Variants in SPATA17 observed in about 807,000 individuals in gnomAD.
SPATA17 encodes the protein spermatogenesis-associated protein 17.
SPATA17 carries 53 observed loss-of-function variants against 62.2 expected under a neutral mutation model. That is an observed-to-expected ratio of 0.85 (90% CI 0.68 to 1.07). The LOEUF is 1.07. Among genes scored for constraint, SPATA17 ranks in the 50% least tolerant of loss-of-function variants. The pLI, the probability that SPATA17 is intolerant of heterozygous loss-of-function variation, is 0.00. For missense variants in SPATA17, 466 were observed against 425.5 expected (o/e 1.10, Z -0.84); for synonymous variants, 146 against 146.8 (o/e 0.99, Z 0.04).
chr1:217,817,146 T>C (rs1003301331), intron 9 of SPATA17, among the ~76,000 whole-genome samples: 1 of 152,090 alleles, frequency 6.6e-6, no homozygotes, highest in Non-Finnish European at 1.5e-5. Flanking sequence ...AACTGGAGGA[T>C]ATTTAATAAG....
chr1:217,696,464 C>T (rs139681571), intron 5 of SPATA17, among the ~76,000 whole-genome samples: 2,009 of 152,200 alleles, frequency 0.013, 48 homozygotes, highest in African/African-American at 0.045. Context: ...TGCGTCGCTC[C>T]GCTCACGCTG....
intron 6 of SPATA17, among the ~76,000 whole-genome samples, chr1:217,746,614 T>C (rs1167833381): frequency 6.6e-6 from 1 of 151,820 alleles, no homozygotes; most frequent in Non-Finnish European, 1.5e-5. Context: ...CATATACTCA[T>C]ATGCTGATTG....
At chr1:217,649,476 C>T (rs564057978) in intron 2 of SPATA17, among the ~76,000 whole-genome samples, 1 of 152,112 alleles carries the variant, frequency 6.6e-6, no homozygotes, top group East Asian at 1.9e-4. Context: ...GAGACTCTGC[C>T]TCAAAAAAAT....
At chr1:217,704,409 C>T (rs1308770505) in intron 5 of SPATA17, among the ~76,000 whole-genome samples, 1 of 150,554 alleles carries the variant, frequency 6.6e-6, no homozygotes, top group Non-Finnish European at 1.5e-5. Flanking sequence ...CGCCACCGCG[C>T]CCGGCTAATT....
chr1:217,739,810 C>CCA (rs1244223650), intron 5 of SPATA17, among the ~76,000 whole-genome samples: 3 of 152,060 alleles, frequency 2.0e-5, no homozygotes, highest in Non-Finnish European at 4.4e-5. Context: ...TTCAGTATAT[C>CCA]CACACACACT....
chr1:217,834,530 T>C (rs1675218186), intron 9 of SPATA17, among the ~76,000 whole-genome samples: 1 of 152,094 alleles, frequency 6.6e-6, no homozygotes, highest in Non-Finnish European at 1.5e-5. Context: ...ATTTATGTCT[T>C]ATTTTTTAAC....
chr1:217,858,503 A>G (rs1170557126), intron 9 of SPATA17, among the ~76,000 whole-genome samples: 1 of 152,236 alleles, frequency 6.6e-6, no homozygotes, highest in East Asian at 1.9e-4. Flanking sequence ...TTTCTAGAAC[A>G]AATTACAGAA....
chr1:217,657,158 A>G (rs1670463830), intron 3 of SPATA17, among the ~76,000 whole-genome samples: 2 of 152,154 alleles, frequency 1.3e-5, no homozygotes, highest in South Asian at 4.1e-4. Context: ...ACCAGAGCTG[A>G]TATCCTTAGC....
rs1676093824 is a variant in SPATA17, at chr1:217,869,805, C to A, written c.*2786C>A. 6.8e-6 allele frequency: 1 copy of A among 147,694 alleles called. No homozygotes were observed. The highest frequency in any genetic ancestry group is 2.5e-5 in the African/African-American group (1 of 40,632). The allele number at this position is 147,694 out of a possible 1,614,324, so 9.1% of individuals were successfully genotyped here. On this transcript the variant is annotated 3_prime_UTR_variant, in exon 11 of 11. Transcript: ENST00000366933. ...GGCCTGAACTAGTTTTTCAGGTTAA[C>A]TTTGGAATACCCTTGGCCAAGAAGA... is the stretch of plus-strand genomic sequence containing the variant.
At chr1:217,756,813 CTACT>C (rs1344655047) in intron 6 of SPATA17, among the ~76,000 whole-genome samples, 1 of 152,150 alleles carries the variant, frequency 6.6e-6, no homozygotes, top group Non-Finnish European at 1.5e-5. Context: ...TACTTGTCAT[CTACT>C]TAGTATTTTC....
At chr1:217,697,529 T>TTAAA (rs1671487135) in intron 5 of SPATA17, among the ~76,000 whole-genome samples, 1 of 152,190 alleles carries the variant, frequency 6.6e-6, no homozygotes, top group South Asian at 2.1e-4. Context: ...CTATTTCTAC[T>TTAAA]GTTTAAACTT....
intron 4 of SPATA17, among the ~76,000 whole-genome samples, chr1:217,669,830 G>T (rs1013432435): frequency 2.0e-5 from 3 of 152,128 alleles, no homozygotes; most frequent in Non-Finnish European, 4.4e-5. Flanking sequence ...TTCTGAAAGT[G>T]CTGGGGTGAA....
In SPATA17 at chr1:217,779,706, G is replaced by A. The variant is rs536249282; in HGVS notation, c.724-2468G>A. Among the ~76,000 whole-genome samples the A allele has an allele frequency of 2.7e-5, 4 of 150,642 alleles. No homozygotes were observed. In the South Asian group the frequency reaches 6.3e-4, roughly 24 times the overall value. On this transcript the variant is annotated intron_variant, in intron 7 of 10. Transcript: ENST00000366933. ...TTTGTTTTTTCTGAGCCATATTCCTGTGTGTTACCAATAATAAAAAAGTAT... is the reference window on the plus strand; with the variant it reads ...TTTGTTTTTTCTGAGCCATATTCCTATGTGTTACCAATAATAAAAAAGTAT...
chr1:217,648,297 A>G (rs1670234954), intron 1 of SPATA17, among the ~76,000 whole-genome samples: 1 of 152,114 alleles, frequency 6.6e-6, no homozygotes, highest in East Asian at 1.9e-4. Flanking sequence ...AATTCTCCCT[A>G]TATTGTACAT....
chr1:217,696,100 C>T (rs931996736), intron 5 of SPATA17, among the ~76,000 whole-genome samples: 11 of 152,320 alleles, frequency 7.2e-5, no homozygotes, highest in African/African-American at 1.7e-4. Context: ...GCCTTGCTGC[C>T]GCCTTGCAGT....
intron 9 of SPATA17, among the ~76,000 whole-genome samples, chr1:217,829,347 G>A (rs1558067972): frequency 6.6e-6 from 1 of 151,990 alleles, no homozygotes; most frequent in South Asian, 2.1e-4. Context: ...ACTGCATTCG[G>A]TCGGGCATGG....
chr1:217,642,272 A>G (rs1441735103), intron 1 of SPATA17, among the ~76,000 whole-genome samples: 1 of 152,146 alleles, frequency 6.6e-6, no homozygotes, highest in African/African-American at 2.4e-5. Context: ...ATCATTTGAA[A>G]CTATGTATGT....
At chr1:217,840,033 A>G (rs1328178545) in intron 9 of SPATA17, among the ~76,000 whole-genome samples, 1 of 152,158 alleles carries the variant, frequency 6.6e-6, no homozygotes, top group African/African-American at 2.4e-5. Flanking sequence ...GTCATTTTGC[A>G]GGCATGACTG....
chr1:217,641,504 G>A (rs572388032), intron 1 of SPATA17, among the ~76,000 whole-genome samples: 3 of 151,996 alleles, frequency 2.0e-5, no homozygotes, highest in African/African-American at 7.2e-5. Flanking sequence ...ATATGCTTAA[G>A]GACTTAAAAG....
Sources: allele counts gnomAD v4.1 joint callset (sites outside exome capture counted in the v4.1 genomes callset), GRCh38; gene constraint gnomAD v4.1.1; transcripts MANE v1.5; gene names NCBI Gene and HGNC (gene_info 2026-07-23, HGNC 2026-07-21).